The following FDPS variants were observed in gnomAD, a reference collection of about 807,000 sequenced individuals.
The protein encoded by FDPS is farnesyl diphosphate synthase.
In FDPS, 29 loss-of-function variants were observed where a neutral mutation model predicts 49.5. The observed-to-expected ratio is 0.59, with a 90% CI of 0.44 to 0.80. The LOEUF is 0.80. Ranked by LOEUF, FDPS falls within the 30% of genes least tolerant of loss-of-function variation. The probability of loss-of-function intolerance (pLI) is 0.00; values close to 1 mark genes in which losing one functional copy is unlikely to be tolerated. For missense variants in FDPS, 414 were observed against 525.6 expected, an observed-to-expected ratio of 0.79 and a Z score of 2.08; for synonymous variants, 172 against 206.4, an observed-to-expected ratio of 0.83 and a Z score of 1.43.
At chr1:155,320,015 G>T in intron 10 of FDPS, 87 bp downstream of exon 10, 14 of 1,489,872 alleles carry the variant, frequency 9.4e-6, no homozygotes, top group Non-Finnish European at 1.3e-5. Context: ...CCTCCCGAGG[G>T]GACATTTGGC....
chr1:155,310,061 C>G lies in FDPS; in HGVS notation c.195C>G (p.Leu65=), dbSNP rs1350140677. ...TEEPRALCSS[L]RMNGDQNSDV... ...TACTTAGAGCCCTTTGCTCCTCCCT[C>G]AGAATGAACGGAGACCAGAATTCAG... Residue 65 remains leucine (L), a synonymous_variant, in exon 3 of 11, where the codon CTC becomes CTG. Transcript: ENST00000368356. 1.2e-6 allele frequency: 2 copies of G among 1,613,614 alleles called. No individual in the cohort carries two copies. The highest frequency in any genetic ancestry group is 1.7e-6 in the Non-Finnish European group (2 of 1,180,040).
chr1:155,317,667 C>G, intron 4 of FDPS: 1 of 285,584 alleles, frequency 3.5e-6, no homozygotes, highest in Non-Finnish European at 6.7e-6. Context: ...GGGACCCTGT[C>G]TCTACAAAAA....
At chr1:155,314,361 T>TA (rs1224632843) in intron 4 of FDPS, among the ~76,000 whole-genome samples, 2 of 151,592 alleles carry the variant, frequency 1.3e-5, no homozygotes, top group African/African-American at 4.8e-5. Flanking sequence ...TTTTTTTTTT[T>TA]AGAGACTAGG....
At position 155,320,107 on chromosome 1, in the gene FDPS, A is replaced by G. The variant is rs1331853682; in HGVS notation, c.1059+179A>G. On this transcript the variant is annotated intron_variant, in intron 10 of 10. Coordinates refer to ENST00000368356, the MANE Select transcript of FDPS (RefSeq NM_002004.4). Reference sequence around the variant, plus strand: ...TACAGACATCTAGTTGGCAGGAGCCAAAGATGTTGCCAAACATGTAGTACA... The same window carrying G: ...TACAGACATCTAGTTGGCAGGAGCCGAAGATGTTGCCAAACATGTAGTACA... The G allele has an allele frequency of 1.5e-5, 11 of 744,338 alleles. No homozygotes were observed. In the East Asian group the frequency reaches 2.7e-4, roughly 18 times the overall value. The allele number at this position is 744,338 out of a possible 1,614,324, so 46.1% of individuals were successfully genotyped here. A position where few individuals can be genotyped will look rare whatever the true frequency, so the allele number is the denominator to read the frequency against.
intron 4 of FDPS, among the ~76,000 whole-genome samples, chr1:155,315,880 A>AC (rs1649326411): frequency 6.7e-6 from 1 of 149,504 alleles, no homozygotes; most frequent in South Asian, 2.1e-4. Context: ...AAAAAAAAAA[A>AC]CACACAAACC....
chr1:155,319,513 A>G, intron 8 of FDPS, 98 bp from the exon 9 acceptor site: 2 of 1,232,540 alleles, frequency 1.6e-6, no homozygotes, highest in Non-Finnish European at 2.4e-6. Context: ...GAGAGGAAAG[A>G]TTTGGGGCTG....
Position 155,318,270 on chromosome 1 carries a change from C to A in FDPS, c.663C>A (p.Asn221Lys), listed in dbSNP as rs200882662. Residue 221 changes from asparagine to lysine, a missense_variant, in exon 6 of 11, where the codon AAC becomes AAA. Coordinates refer to ENST00000368356, the MANE Select transcript of FDPS (RefSeq NM_002004.4). This position sits in a 1 kb window ranked among gnomAD's most constrained non-coding sequence, Gnocchi z 4.2. The part of the protein sequence containing the change: ...LYCREQPYYL[N>K]LIELFLQSSY... ...GCCGGGAGCAGCCCTATTACCTGAA[C>A]CTGATCGAGCTCTTCCTGCAGGTGT... The A allele has an allele frequency of 2.4e-5, 38 of 1,612,842 alleles. No individual in the cohort carries two copies. The highest frequency in any genetic ancestry group is 1.9e-4 in the South Asian group (17 of 91,090).
At position 155,318,490 on chromosome 1, in the gene FDPS, G is replaced by T; in HGVS notation, c.685-175G>T. The T allele has an allele frequency of 1.2e-6, 1 of 812,398 alleles. No homozygotes were observed. The allele number at this position is 812,398 out of a possible 1,614,324, so 50.3% of individuals were successfully genotyped here. A position where few individuals can be genotyped will look rare whatever the true frequency, so the allele number is the denominator to read the frequency against. ...TCTGTCCTGTGTAATTGGAAGAAAG[G>T]GTGATAAAGGACTGTGTGTATGAAT... On this transcript the variant is annotated intron_variant, in intron 6 of 10. Transcript: ENST00000368356. The surrounding 1 kb of genome is among the most constrained non-coding windows in gnomAD (Gnocchi z 4.2).
At position 155,318,158 on chromosome 1, in the gene FDPS, T is replaced by G. The variant is rs1199993477; in HGVS notation, c.562-11T>G. On this transcript the variant is annotated splice_polypyrimidine_tract_variant and intron_variant, in intron 5 of 10. Coordinates refer to ENST00000368356, the MANE Select transcript of FDPS (RefSeq NM_002004.4). The surrounding 1 kb of genome is among the most constrained non-coding windows in gnomAD (Gnocchi z 4.2). ...GAGATTGATTGCTTGTTTTTCTGTC[T>G]GTCATGACAGCCGGGCGTGGGTTTG... The G allele has an allele frequency of 1.2e-6, 2 of 1,614,158 alleles. No individual in the cohort carries two copies. Among genetic ancestry groups the G allele is most frequent in the South Asian group, 2.2e-5 (2 of 91,076 alleles).
chr1:155,318,073 T>C lies in FDPS; in HGVS notation c.561+52T>C, dbSNP rs761596390. On this transcript the variant is annotated intron_variant, in intron 5 of 10. Transcript: ENST00000368356. This position sits in a 1 kb window ranked among gnomAD's most constrained non-coding sequence, Gnocchi z 4.2. Reference sequence around the variant, plus strand: ...GGTATGGGGACAGGCCACAGGGAGGTGGTTATATATGGCCTGGTTGAGGTG... The same window carrying C: ...GGTATGGGGACAGGCCACAGGGAGGCGGTTATATATGGCCTGGTTGAGGTG... 1 of 1,608,820 alleles carries C rather than the reference T, an allele frequency of 6.2e-7. No individual in the cohort carries two copies. Among genetic ancestry groups the C allele is most frequent in the Admixed American group, 1.7e-5 (1 of 59,932 alleles).
intron 4 of FDPS, among the ~76,000 whole-genome samples, chr1:155,315,614 C>T (rs1450000352): frequency 6.6e-6 from 1 of 151,880 alleles, no homozygotes; most frequent in Non-Finnish European, 1.5e-5. Flanking sequence ...ACCTGGGAGG[C>T]GGAGCTTGCA....
In FDPS at chr1:155,318,772, C is replaced by T. The variant is rs1649809648; in HGVS notation, c.773+19C>T. ...AAAAGAGGTGAGGGGAGGTGAGGGA[C>T]AGCGCGAACCATGTCTGGACAGCGA... On this transcript the variant is annotated intron_variant, in intron 7 of 10. Coordinates refer to ENST00000368356, the MANE Select transcript of FDPS (RefSeq NM_002004.4). This position sits in a 1 kb window ranked among gnomAD's most constrained non-coding sequence, Gnocchi z 4.2. The T allele has an allele frequency of 1.9e-6, 3 of 1,600,820 alleles. No individual in the cohort carries two copies. Among genetic ancestry groups the T allele is most frequent in the Non-Finnish European group, 2.6e-6 (3 of 1,168,122 alleles).
intron 4 of FDPS, among the ~76,000 whole-genome samples, chr1:155,314,681 G>T (rs1186173795): frequency 6.6e-6 from 1 of 151,848 alleles, no homozygotes; most frequent in Non-Finnish European, 1.5e-5. Context: ...TCACTATGTT[G>T]CCCAGGCTGG....
chr1:155,317,013 G>A (rs1176048880), intron 4 of FDPS: 1 of 152,158 alleles, frequency 6.6e-6, no homozygotes, highest in Non-Finnish European at 1.5e-5. Flanking sequence ...TGGGAAACCC[G>A]ACACGTTCAG....
intron 3 of FDPS, among the ~76,000 whole-genome samples, chr1:155,311,730 T>A (rs1648816032): frequency 6.6e-6 from 1 of 152,116 alleles, no homozygotes; most frequent in South Asian, 2.1e-4. Flanking sequence ...TTAAATTTAT[T>A]GGGAGGCCAA....
At position 155,318,294 on chromosome 1, in the gene FDPS, G is replaced by A. The variant is rs1649731998; in HGVS notation, c.684+3G>A. 6 of 1,610,450 alleles carry A rather than the reference G, an allele frequency of 3.7e-6. No individual in the cohort carries two copies. The highest frequency in any genetic ancestry group is 5.1e-6 in the Non-Finnish European group (6 of 1,179,998). On this transcript the variant is annotated splice_donor_region_variant and intron_variant, in intron 6 of 10. Coordinates refer to ENST00000368356, the MANE Select transcript of FDPS (RefSeq NM_002004.4). This position sits in a 1 kb window ranked among gnomAD's most constrained non-coding sequence, Gnocchi z 4.2. ...ACCTGATCGAGCTCTTCCTGCAGGT[G>A]TATTGCAGACAGGGCCCGATGCCCA... is the stretch of plus-strand genomic sequence containing the variant.
intron 3 of FDPS, 118 bp downstream of exon 3, chr1:155,310,323 T>C: frequency 2.2e-6 from 2 of 923,340 alleles, no homozygotes; most frequent in Non-Finnish European, 3.2e-6. Flanking sequence ...CTTTTTTTTT[T>C]TTTTTGAGAC....
intron 4 of FDPS, among the ~76,000 whole-genome samples, chr1:155,314,272 G>A (rs1309415529): frequency 6.6e-6 from 1 of 150,590 alleles, no homozygotes; most frequent in Non-Finnish European, 1.5e-5. Context: ...TGCAATCTCT[G>A]CCTCTGGAGC....
At chr1:155,313,867 G>A (rs1649045385) in intron 4 of FDPS, among the ~76,000 whole-genome samples, 1 of 151,876 alleles carries the variant, frequency 6.6e-6, no homozygotes, top group Non-Finnish European at 1.5e-5. Flanking sequence ...TGCCCAGGCT[G>A]GAGTGCAGTG....
Sources: gnomAD v4.1 joint callset for allele counts (sites outside exome capture counted in the v4.1 genomes callset) on GRCh38, gnomAD v4.1.1 for gene constraint, Gnocchi (gnomAD v3.1) non-coding constraint, MANE v1.5 for transcripts, NCBI Gene and HGNC (gene_info 2026-07-23, HGNC 2026-07-21) for gene names.